Variants in COL24A1 observed in about 807,000 individuals in gnomAD.
COL24A1 encodes collagen type XXIV alpha 1 chain.
COL24A1 carries 224 observed loss-of-function variants against 253.9 expected under a neutral mutation model. The observed-to-expected ratio is 0.88, with a 90% CI of 0.79 to 0.99. The LOEUF (loss-of-function observed/expected upper bound fraction) is 0.99. Among genes scored for constraint, COL24A1 ranks in the 50% least tolerant of loss-of-function variants. The pLI, the probability that COL24A1 is intolerant of heterozygous loss-of-function variation, is 0.00. For missense variants in COL24A1, 2,131 were observed against 2,068.5 expected, an observed-to-expected ratio of 1.03 and a Z score of -0.59; for synonymous variants, 685 against 673.7, an observed-to-expected ratio of 1.02 and a Z score of -0.26.
intron 7 of COL24A1, among the ~76,000 whole-genome samples, chr1:86,080,547 G>GT (rs1175116743): frequency 1.3e-5 from 2 of 151,800 alleles, no homozygotes; most frequent in Non-Finnish European, 2.9e-5. Flanking sequence ...TGCACCCCAT[G>GT]AATATATACA....
chr1:85,972,365 T>C (rs1692253615), intron 20 of COL24A1, among the ~76,000 whole-genome samples: 1 of 151,596 alleles, frequency 6.6e-6, no homozygotes, highest in Admixed American at 6.6e-5. Flanking sequence ...CTCTATACTT[T>C]CTATACTTTA....
chr1:86,124,650 T>C (rs1427954544), intron 3 of COL24A1, among the ~76,000 whole-genome samples, 195 bp downstream of exon 3: 1 of 151,938 alleles, frequency 6.6e-6, no homozygotes, highest in Non-Finnish European at 1.5e-5. Flanking sequence ...AAGCACGATA[T>C]TTGAGCCAGG....
At chr1:85,741,523 C>T (rs1220667016) in intron 57 of COL24A1, among the ~76,000 whole-genome samples, 8 of 152,162 alleles carry the variant, frequency 5.3e-5, no homozygotes, top group Admixed American at 5.2e-4. Context: ...TCCAGTTTAT[C>T]TTTACTACTA....
intron 3 of COL24A1, among the ~76,000 whole-genome samples, chr1:86,119,817 G>A (rs1434857116): frequency 2.0e-5 from 3 of 152,096 alleles, no homozygotes; most frequent in Admixed American, 1.3e-4. Flanking sequence ...ATTTGGAGGA[G>A]GGGAAAAGTG....
chr1:85,871,210 C>T (rs1340175546), intron 35 of COL24A1, among the ~76,000 whole-genome samples: 2 of 152,074 alleles, frequency 1.3e-5, no homozygotes, highest in South Asian at 2.1e-4. Flanking sequence ...AATTAATAGC[C>T]TACCAACCAA....
chr1:86,155,304 C>G (rs546094295), intron 1 of COL24A1: 1 of 152,692 alleles, frequency 6.5e-6, no homozygotes, highest in African/African-American at 2.4e-5. Flanking sequence ...CAAACACGAC[C>G]ACAAGGCGCT....
intron 16 of COL24A1, 119 bp from the exon 17 acceptor site, chr1:86,022,710 C>A: frequency 7.8e-7 from 1 of 1,275,154 alleles, no homozygotes; most frequent in Non-Finnish European, 1.1e-6. Context: ...CTGAGGAAAA[C>A]TAATATAATT....
At chr1:86,090,125 C>T (rs1703389238) in intron 6 of COL24A1, among the ~76,000 whole-genome samples, 3 of 152,058 alleles carry the variant, frequency 2.0e-5, no homozygotes, top group South Asian at 2.1e-4. Context: ...GTGCTTGGCT[C>T]GAACAGACTA....
At chr1:85,871,846 A>C (rs935523331) in intron 35 of COL24A1, among the ~76,000 whole-genome samples, 3 of 152,336 alleles carry the variant, frequency 2.0e-5, no homozygotes, top group Admixed American at 6.5e-5. Flanking sequence ...AGTTCTGGCC[A>C]GGGCAATCAG....
chr1:85,836,088 C>T (rs1483093714), intron 43 of COL24A1, among the ~76,000 whole-genome samples: 3 of 152,152 alleles, frequency 2.0e-5, no homozygotes, highest in African/African-American at 7.2e-5. Context: ...CTAATCTTAA[C>T]CCATACCTTT....
intron 7 of COL24A1, among the ~76,000 whole-genome samples, chr1:86,069,994 C>A (rs766205253): frequency 2.0e-5 from 3 of 152,106 alleles, no homozygotes; most frequent in South Asian, 2.1e-4. Context: ...AGGCACGGGG[C>A]CAATTCTTGA....
At chr1:86,015,734 T>A (rs1302734437) in intron 19 of COL24A1, among the ~76,000 whole-genome samples, 1 of 152,178 alleles carries the variant, frequency 6.6e-6, no homozygotes, top group Non-Finnish European at 1.5e-5. Context: ...TGTAGGCTCA[T>A]ATGGAGAAGC....
At chr1:85,746,737 A>G (rs1276681871) in intron 55 of COL24A1, among the ~76,000 whole-genome samples, 1 of 152,238 alleles carries the variant, frequency 6.6e-6, no homozygotes, top group African/African-American at 2.4e-5. Context: ...AGGCAGAAGC[A>G]GCAACCTGGC....
At chr1:86,135,486 G>T (rs911525251) in intron 2 of COL24A1, among the ~76,000 whole-genome samples, 1 of 151,768 alleles carries the variant, frequency 6.6e-6, no homozygotes, top group African/African-American at 2.4e-5. Context: ...TCTTCTATAT[G>T]TCTCATATAT....
At chr1:86,109,777 T>C (rs979164917) in intron 5 of COL24A1, among the ~76,000 whole-genome samples, 4 of 152,236 alleles carry the variant, frequency 2.6e-5, no homozygotes, top group Admixed American at 1.3e-4. Flanking sequence ...TTTTCTTCTC[T>C]TCTTAATGCA....
intron 19 of COL24A1, 26 bp downstream of exon 19, chr1:86,017,125 T>G: frequency 6.3e-7 from 1 of 1,585,698 alleles, no homozygotes; most frequent in Non-Finnish European, 8.6e-7. Flanking sequence ...TGTTTCAAAT[T>G]TATTAACTTT....
intron 43 of COL24A1, among the ~76,000 whole-genome samples, chr1:85,827,508 T>C (rs1407548196): frequency 1.3e-5 from 2 of 151,386 alleles, no homozygotes; most frequent in East Asian, 1.9e-4. Flanking sequence ...ATGGTACCAT[T>C]TCCTCCTTGT....
intron 24 of COL24A1, among the ~76,000 whole-genome samples, chr1:85,920,692 G>A (rs1686362710): frequency 6.6e-6 from 1 of 151,774 alleles, no homozygotes; most frequent in South Asian, 2.1e-4. Flanking sequence ...CTGGTATGAG[G>A]ACAATATCAT....
chr1:85,804,699 G>A (rs1570688134), intron 47 of COL24A1, among the ~76,000 whole-genome samples: 1 of 152,116 alleles, frequency 6.6e-6, no homozygotes, highest in South Asian at 2.1e-4. Context: ...AGAACAGCAT[G>A]AGAAAGACCC....
Sources: gnomAD v4.1 joint callset for allele counts (sites outside exome capture counted in the v4.1 genomes callset) on GRCh38, gnomAD v4.1.1 for gene constraint, MANE v1.5 for transcripts, NCBI Gene and HGNC (gene_info 2026-07-23, HGNC 2026-07-21) for gene names.